The following CLEC4D variants were observed in gnomAD, a reference collection of about 807,000 sequenced individuals.
CLEC4D encodes the protein C-type (calcium dependent, carbohydrate-recognition domain) lectin, superfamily member 8.
In CLEC4D, 21 loss-of-function variants were observed where a neutral mutation model predicts 21.1. The observed-to-expected ratio is 1.00, with a 90% CI of 0.71 to 1.43. The LOEUF (loss-of-function observed/expected upper bound fraction) is 1.43, where lower values mean the gene tolerates loss of function less well. CLEC4D is among the 40% of genes most tolerant of loss of function. The probability of loss-of-function intolerance (pLI) is 0.00; values close to 1 mark genes in which losing one functional copy is unlikely to be tolerated. For missense variants in CLEC4D, 289 were observed against 260.7 expected (o/e 1.11, Z -0.75); for synonymous variants, 85 against 83.1 (o/e 1.02, Z -0.12).
chr12:8,521,528 C>A lies in CLEC4D; in HGVS notation c.*257C>A. The A allele has an allele frequency of 1.7e-6, 1 of 605,090 alleles. No individual in the cohort carries two copies. The highest frequency in any genetic ancestry group is 2.3e-6 in the Non-Finnish European group (1 of 430,566). 37.5% of individuals were successfully genotyped at this position (605,090 alleles called of 1,614,324 possible). A position where few individuals can be genotyped will look rare whatever the true frequency, so the allele number is the denominator to read the frequency against. On this transcript the variant is annotated 3_prime_UTR_variant, in exon 6 of 6. Transcript: ENST00000299665. Reference sequence around the variant, plus strand: ...TTTCTTTGCTTTCTTAGTAGTATTTCAAGGTGTTTACTTTTCAATTGGTGT... The same window carrying A: ...TTTCTTTGCTTTCTTAGTAGTATTTAAAGGTGTTTACTTTTCAATTGGTGT...
chr12:8,521,304 G>A lies in CLEC4D; in HGVS notation c.*33G>A. 1 of 1,586,118 alleles carries A rather than the reference G, an allele frequency of 6.3e-7. No individual in the cohort carries two copies. Among genetic ancestry groups the A allele is most frequent in the Admixed American group, 1.9e-5 (1 of 53,278 alleles). ...GAAAGTGGTCCTTGTGATGGAAAGAGAAAAGAAAAACCAATTAGAATAAGG... is the reference window on the plus strand; with the variant it reads ...GAAAGTGGTCCTTGTGATGGAAAGAAAAAAGAAAAACCAATTAGAATAAGG... On this transcript the variant is annotated 3_prime_UTR_variant, in exon 6 of 6. Coordinates refer to ENST00000299665, the MANE Select transcript of CLEC4D (RefSeq NM_080387.5).
downstream of CLEC4D, among the ~76,000 whole-genome samples, chr12:8,525,151 G>A (rs1472796406): frequency 1.3e-5 from 2 of 152,176 alleles, no homozygotes; most frequent in Non-Finnish European, 2.9e-5. Context: ...AGTGCCATGT[G>A]ACACTGAGAA....
chr12:8,524,200 T>C (rs111744805), downstream of CLEC4D, among the ~76,000 whole-genome samples: 31,431 of 152,102 alleles, frequency 0.21, 3,391 homozygotes, highest in Middle Eastern at 0.29. Context: ...ATCAGGATGA[T>C]GCTGGCTTCA....
intron 2 of CLEC4D, 151 bp downstream of exon 2, chr12:8,515,479 A>T: frequency 1.9e-6 from 1 of 530,470 alleles, no homozygotes; most frequent in Non-Finnish European, 3.4e-6. Context: ...TCAGAGCTAC[A>T]TTCTTGACCT....
At chr12:8,519,972 C>A (rs1940437139) in intron 4 of CLEC4D, among the ~76,000 whole-genome samples, 1 of 152,196 alleles carries the variant, frequency 6.6e-6, no homozygotes, top group Admixed American at 6.5e-5. Context: ...AAAAGGGTTG[C>A]AAGTCTGACC....
At chr12:8,516,162 A>C (rs768039561) in intron 2 of CLEC4D, among the ~76,000 whole-genome samples, 1 of 152,314 alleles carries the variant, frequency 6.6e-6, no homozygotes, top group African/African-American at 2.4e-5. Context: ...TAAATCAATA[A>C]AGTTTTAAGA....
chr12:8,515,114 A>G, intron 1 of CLEC4D, 122 bp from the exon 2 acceptor site: 3 of 559,286 alleles, frequency 5.4e-6, no homozygotes, highest in South Asian at 5.5e-5. Flanking sequence ...GAAAATATTT[A>G]TGCTCTTCTC....
downstream of CLEC4D, among the ~76,000 whole-genome samples, chr12:8,526,676 A>G: frequency 6.6e-6 from 1 of 151,888 alleles, no homozygotes; most frequent in Admixed American, 6.6e-5. Flanking sequence ...TCTTCTATAG[A>G]TTACTTCTAT....
downstream of CLEC4D, among the ~76,000 whole-genome samples, chr12:8,524,972 G>A (rs191544802): frequency 3.6e-4 from 55 of 152,266 alleles, 1 homozygote; most frequent in African/African-American, 1.3e-3. Context: ...CTGCCATTCA[G>A]GAGCAGTTTG....
chr12:8,524,832 A>AT (rs1940494969), downstream of CLEC4D, among the ~76,000 whole-genome samples: 1 of 152,176 alleles, frequency 6.6e-6, no homozygotes, highest in Admixed American at 6.5e-5. Context: ...TGATGTGGGC[A>AT]TTTAGTGCTA....
chr12:8,530,559 A>G, the CLEC4D span, among the ~76,000 whole-genome samples: 2 of 151,898 alleles, frequency 1.3e-5, no homozygotes, highest in Non-Finnish European at 2.9e-5. Context: ...CATGTAATCC[A>G]TATAAAATTC....
At position 8,518,259 on chromosome 12, in the gene CLEC4D, C is replaced by A; in HGVS notation, c.217C>A (p.Leu73Met). Residue 73 changes from leucine to methionine, a missense_variant, in exon 3 of 6, where the codon CTG becomes ATG. Transcript: ENST00000299665. ...CAAATGCATCAAAGAGAAATCAGAA[C>A]TGAAAAGTGCTGAAGGTACAGAGTG... is the stretch of plus-strand genomic sequence containing the variant. ...KLKCIKEKSELKSAEGSTWNC... is the reference protein window; with the variant it reads ...KLKCIKEKSEMKSAEGSTWNC... 1 of 1,183,116 alleles carries A rather than the reference C, an allele frequency of 8.5e-7. No individual in the cohort carries two copies. The highest frequency in any genetic ancestry group is 1.3e-6 in the Non-Finnish European group (1 of 788,260). 73.3% of individuals were successfully genotyped at this position (1,183,116 alleles called of 1,614,324 possible).
chr12:8,527,057 C>T (rs1476189853), downstream of CLEC4D, among the ~76,000 whole-genome samples: 2 of 152,144 alleles, frequency 1.3e-5, no homozygotes, highest in East Asian at 1.9e-4. Context: ...GCAGCAAAGA[C>T]GGGTGCCTGC....
chr12:8,516,299 C>T (rs1940380881), intron 2 of CLEC4D, among the ~76,000 whole-genome samples: 4 of 152,236 alleles, frequency 2.6e-5, no homozygotes, highest in Admixed American at 6.5e-5. Flanking sequence ...TACAACAAAA[C>T]ATACCAGTAA....
At chr12:8,520,713 C>A (rs368332600) in intron 5 of CLEC4D, among the ~76,000 whole-genome samples, 1 of 152,214 alleles carries the variant, frequency 6.6e-6, no homozygotes, top group South Asian at 2.1e-4. Context: ...TGCAAAGCCA[C>A]ATGTGCAATT....
At chr12:8,527,437 G>T in the CLEC4D span, among the ~76,000 whole-genome samples, 4,723 of 152,258 alleles carry the variant, frequency 0.031, 233 homozygotes, top group African/African-American at 0.11. Flanking sequence ...CCTGAGGAAG[G>T]CTGTGTCAAG....
chr12:8,527,789 G>A, the CLEC4D span, among the ~76,000 whole-genome samples: 1 of 152,208 alleles, frequency 6.6e-6, no homozygotes, highest in African/African-American at 2.4e-5. Context: ...TGAGAGTCGC[G>A]CGTTCCAGGG....
At position 8,513,555 on chromosome 12, in the gene CLEC4D, C is replaced by A; in HGVS notation, c.-178C>A. ...AAACCCCTGTCTTTGAAAAAGACTT[C>A]TTTTGAGCTAACTTTCTTATACTGG... On this transcript the variant is annotated 5_prime_UTR_variant, in exon 1 of 6. Coordinates refer to ENST00000299665, the MANE Select transcript of CLEC4D (RefSeq NM_080387.5). 5.8e-6 allele frequency: 2 copies of A among 345,590 alleles called. No individual in the cohort carries two copies. The highest frequency in any genetic ancestry group is 4.3e-5 in the East Asian group (1 of 23,384). The allele number at this position is 345,590 out of a possible 1,614,324, so 21.4% of individuals were successfully genotyped here.
Position 8,521,351 on chromosome 12 carries a change from G to C in CLEC4D, c.*80G>C, listed in dbSNP as rs1451145435. 3.5e-5 allele frequency: 53 copies of C among 1,519,862 alleles called. No individual in the cohort carries two copies. The highest frequency in any genetic ancestry group is 4.4e-5 in the Admixed American group (2 of 45,144). 94.1% of individuals were successfully genotyped at this position (1,519,862 alleles called of 1,614,324 possible). A position where few individuals can be genotyped will look rare whatever the true frequency, so the allele number is the denominator to read the frequency against. ...AAGGCAGAATGTACGTGCGTCATTG[G>C]AACACAGAAAACATGCTGGTTCATA... On this transcript the variant is annotated 3_prime_UTR_variant, in exon 6 of 6. Transcript: ENST00000299665.
Sources: allele counts gnomAD v4.1 joint callset (sites outside exome capture counted in the v4.1 genomes callset), GRCh38; gene constraint gnomAD v4.1.1; transcripts MANE v1.5; gene names NCBI Gene and HGNC (gene_info 2026-07-23, HGNC 2026-07-21).